Variants in TMCO6 observed in about 807,000 individuals in gnomAD.
TMCO6 encodes the protein transmembrane and coiled-coil domain-containing protein 6.
Under a neutral mutation model 61.8 loss-of-function variants are expected in TMCO6, and 47 were observed. That is an observed-to-expected ratio of 0.76 (90% confidence interval 0.60 to 0.97). The LOEUF (loss-of-function observed/expected upper bound fraction) is 0.97. Ranked by LOEUF, TMCO6 falls within the 50% of genes least tolerant of loss-of-function variation. TMCO6 has a pLI of 0.00. For synonymous variants in TMCO6, 261 were observed against 254.2 expected (o/e 1.03, Z -0.25); for missense variants, 557 against 601.6 (o/e 0.93, Z 0.78).
the TMCO6 span, among the ~76,000 whole-genome samples, chr5:140,621,542 C>A: frequency 6.6e-6 from 1 of 152,092 alleles, no homozygotes; most frequent in Non-Finnish European, 1.5e-5. Context: ...ATTAACTGCA[C>A]AAATTGTACA....
chr5:140,633,279 G>T, the TMCO6 span: 1 of 649,804 alleles, frequency 1.5e-6, no homozygotes, highest in Non-Finnish European at 2.7e-6. Context: ...CTCCGAGCCA[G>T]CCCCCTTCCT....
chr5:140,632,036 G>A, the TMCO6 span: 4 of 1,614,064 alleles, frequency 2.5e-6, no homozygotes, highest in Non-Finnish European at 3.4e-6. The surrounding 1 kb of genome is among the most constrained non-coding windows in gnomAD (Gnocchi z 6.2). Context: ...CGGGCAGCTC[G>A]TCAGGCTGCG....
chr5:140,603,047 A>C, the TMCO6 span, among the ~76,000 whole-genome samples: 4 of 151,932 alleles, frequency 2.6e-5, no homozygotes, highest in African/African-American at 9.7e-5. Context: ...AAAGTGTATG[A>C]TTCAGTGGTA....
intron 10 of TMCO6, 123 bp downstream of exon 10, chr5:140,644,317 C>A: frequency 2.7e-6 from 3 of 1,114,476 alleles, no homozygotes; most frequent in Non-Finnish European, 4.1e-6. Context: ...CCTCAGGGCC[C>A]AACCAATCTA....
chr5:140,644,518 T>C, intron 10 of TMCO6, 55 bp from the exon 11 acceptor site: 3 of 1,587,306 alleles, frequency 1.9e-6, no homozygotes, highest in Non-Finnish European at 2.6e-6. Context: ...ATTTTAGCTA[T>C]TGTTATGATC....
the TMCO6 span, among the ~76,000 whole-genome samples, chr5:140,622,724 C>CAAA: frequency 1.2e-4 from 13 of 105,786 alleles, no homozygotes; most frequent in East Asian, 3.7e-4. Context: ...GCTTTAGCTA[C>CAAA]AAAAAAAAAA....
At chr5:140,643,537 A>T in intron 7 of TMCO6, 27 bp from the exon 8 acceptor site, 5 of 1,598,166 alleles carry the variant, frequency 3.1e-6, no homozygotes, top group Non-Finnish European at 4.3e-6. Context: ...CTATATACCT[A>T]GGGACTGCTT....
At chr5:140,618,293 G>C in the TMCO6 span, among the ~76,000 whole-genome samples, 2 of 152,102 alleles carry the variant, frequency 1.3e-5, no homozygotes, top group African/African-American at 4.8e-5. Context: ...GCCAGGCGTG[G>C]TGGTGCATGC....
At chr5:140,624,228 G>C in the TMCO6 span, among the ~76,000 whole-genome samples, 1 of 151,998 alleles carries the variant, frequency 6.6e-6, no homozygotes, top group Non-Finnish European at 1.5e-5. Context: ...AGCCAGGCCT[G>C]GTGGTGCCTG....
Position 140,643,076 on chromosome 5 carries a change from C to T in TMCO6, c.806+35C>T, listed in dbSNP as rs768612611. 6 of 1,613,440 alleles carry T rather than the reference C, an allele frequency of 3.7e-6. No individual in the cohort carries two copies. The Admixed American group carries it at 5.0e-5, about 13-fold the overall frequency. ...CAATTGGGAAAGTACCACAGATCTT[C>T]CCTGGGGCTCCCTTCCATGACATTC... On this transcript the variant is annotated intron_variant, in intron 7 of 11. Transcript: ENST00000394671.
the TMCO6 span, among the ~76,000 whole-genome samples, chr5:140,604,108 TC>T: frequency 6.6e-6 from 1 of 152,216 alleles, no homozygotes; most frequent in Non-Finnish European, 1.5e-5. Flanking sequence ...ATGTTGAACA[TC>T]TTTTCATATG....
the TMCO6 span, among the ~76,000 whole-genome samples, chr5:140,606,947 G>A: frequency 6.6e-6 from 1 of 150,622 alleles, no homozygotes; most frequent in Non-Finnish European, 1.5e-5. Context: ...GGGCTAATGT[G>A]TGTGGTTTGT....
In TMCO6 at chr5:140,642,750, C is replaced by T. The variant is rs1757119818; in HGVS notation, c.689+79C>T. The T allele has an allele frequency of 4.4e-6, 7 of 1,584,674 alleles. No individual in the cohort carries two copies. The Admixed American group carries it at 1.2e-4, about 27-fold the overall frequency. ...AGCTCCCGGATGCCTGAATGATTTC[C>T]AAAGCTGTTGCACATTTTAAATTCA... On this transcript the variant is annotated intron_variant, in intron 6 of 11. Transcript: ENST00000394671.
the TMCO6 span, among the ~76,000 whole-genome samples, chr5:140,600,860 G>A: frequency 6.6e-6 from 1 of 152,180 alleles, no homozygotes; most frequent in Non-Finnish European, 1.5e-5. Context: ...TCAACGAAAA[G>A]AGATGCTATT....
chr5:140,612,567 G>A, the TMCO6 span, among the ~76,000 whole-genome samples: 3 of 151,812 alleles, frequency 2.0e-5, no homozygotes, highest in Admixed American at 6.6e-5. Flanking sequence ...TCTCGATCTC[G>A]CGACCTCGTG....
At chr5:140,598,829 G>C in the TMCO6 span, among the ~76,000 whole-genome samples, 1 of 152,154 alleles carries the variant, frequency 6.6e-6, no homozygotes, top group Non-Finnish European at 1.5e-5. Context: ...CCAGCTACTC[G>C]GGAGGCTGAG....
rs1757235301 is a variant in TMCO6 at position 140,644,155 on chromosome 5, CTT to C, written c.1162_1163del (p.Leu388ThrfsTer7). ...LLSLDLIEPL[L>X]QLLPVSNVVS... ...TCTCCCTGGATCTGATTGAGCCTCT[CTT>C]ACAGCTGTTGCCAGTATCTAACGTG... On this transcript the variant is annotated frameshift_variant, in exon 10 of 12. Coordinates refer to ENST00000394671, the MANE Select transcript of TMCO6 (RefSeq NM_018502.5). LOFTEE classifies it high-confidence loss of function. 1.2e-6 allele frequency: 2 copies of C among 1,614,096 alleles called. No homozygotes were observed. The highest frequency in any genetic ancestry group is 1.7e-6 in the Non-Finnish European group (2 of 1,180,054).
chr5:140,621,653 G>A, the TMCO6 span, among the ~76,000 whole-genome samples: 3 of 152,332 alleles, frequency 2.0e-5, no homozygotes, highest in African/African-American at 2.4e-5. Flanking sequence ...AACTCTGACC[G>A]CCGGTGAGCC....
At chr5:140,633,858 C>T in the TMCO6 span, among the ~76,000 whole-genome samples, 1 of 146,284 alleles carries the variant, frequency 6.8e-6, no homozygotes, top group Non-Finnish European at 1.5e-5. Context: ...GCCATGATCT[C>T]GGCTCACTGC....
Sources: allele counts gnomAD v4.1 joint callset (sites outside exome capture counted in the v4.1 genomes callset), GRCh38; gene constraint gnomAD v4.1.1; non-coding constraint Gnocchi (gnomAD v3.1); transcripts MANE v1.5; gene names NCBI Gene and HGNC (gene_info 2026-07-23, HGNC 2026-07-21).